RBFOX1: variants seen among roughly 807,000 people sequenced by gnomAD.
RBFOX1 encodes RNA binding fox-1 homolog 1.
RBFOX1 carries 8 observed loss-of-function variants against 57.7 expected under a neutral mutation model. That is an observed-to-expected ratio of 0.14 (90% confidence interval 0.08 to 0.25). The LOEUF (loss-of-function observed/expected upper bound fraction) is 0.25, where lower values mean the gene tolerates loss of function less well. Among genes scored for constraint, RBFOX1 ranks in the 10% least tolerant of loss-of-function variants. The probability of loss-of-function intolerance (pLI) is 1.00; values close to 1 mark genes in which losing one functional copy is unlikely to be tolerated. For synonymous variants in RBFOX1, 326 were observed against 222.4 expected (o/e 1.47, Z -4.15); for missense variants, 611 against 548.5 (o/e 1.11, Z -1.14).
intron 1 of RBFOX1, among the ~76,000 whole-genome samples, chr16:5,339,936 C>T: frequency 6.6e-6 from 1 of 152,014 alleles, no homozygotes; most frequent in East Asian, 1.9e-4. Context: ...CTTTGGGAGT[C>T]CCATCAGTCT....
intron 4 of RBFOX1, among the ~76,000 whole-genome samples, chr16:7,195,145 C>T (rs4354958): frequency 1.3e-4 from 20 of 152,124 alleles, no homozygotes; most frequent in African/African-American, 4.8e-4. Flanking sequence ...TGTTTTGTGC[C>T]TCATATTGCA....
At chr16:7,084,519 T>C (rs937470491) in intron 4 of RBFOX1, among the ~76,000 whole-genome samples, 4 of 152,166 alleles carry the variant, frequency 2.6e-5, no homozygotes, top group Non-Finnish European at 5.9e-5. Context: ...TGAGAAATAG[T>C]GCCCCATGCA....
intron 4 of RBFOX1, among the ~76,000 whole-genome samples, chr16:5,921,820 G>A (rs2058828489): frequency 1.3e-5 from 2 of 151,824 alleles, no homozygotes; most frequent in Non-Finnish European, 2.9e-5. Context: ...GAGGGAGGGA[G>A]CAAGAGAGAG....
At chr16:6,932,116 G>GT (rs976286024) in intron 3 of RBFOX1, among the ~76,000 whole-genome samples, 3 of 151,958 alleles carry the variant, frequency 2.0e-5, no homozygotes, top group East Asian at 1.9e-4. Flanking sequence ...TGCTGTTTTT[G>GT]TTTTTTCAGA....
chr16:7,562,246 A>G (rs186817231), intron 5 of RBFOX1, among the ~76,000 whole-genome samples: 62 of 152,306 alleles, frequency 4.1e-4, no homozygotes, highest in African/African-American at 1.5e-3. Context: ...GATTTATAAA[A>G]GTGGAGCCTT....
intron 1 of RBFOX1, among the ~76,000 whole-genome samples, chr16:6,048,959 G>A (rs1300041840): frequency 6.6e-6 from 1 of 151,734 alleles, no homozygotes; most frequent in Non-Finnish European, 1.5e-5. Flanking sequence ...GTTTCCCTTG[G>A]AAGGAGCAAT....
At chr16:5,637,350 G>T (rs1362906436) in intron 3 of RBFOX1, among the ~76,000 whole-genome samples, 1 of 152,168 alleles carries the variant, frequency 6.6e-6, no homozygotes, top group Non-Finnish European at 1.5e-5. Flanking sequence ...AGATAGGTAA[G>T]TGGTCTCCAG....
intron 3 of RBFOX1, among the ~76,000 whole-genome samples, chr16:5,756,319 T>C (rs531181444): frequency 4.1e-4 from 60 of 147,492 alleles, no homozygotes; most frequent in Non-Finnish European, 7.4e-4. Flanking sequence ...TGATAATTAA[T>C]AGGAAAAGGG....
chr16:5,374,155 C>G (rs1353121760), intron 1 of RBFOX1, among the ~76,000 whole-genome samples: 1 of 152,234 alleles, frequency 6.6e-6, no homozygotes, highest in Non-Finnish European at 1.5e-5. Context: ...CCAGGCTAGT[C>G]TTGAACTCCT....
chr16:5,730,984 C>G (rs1205607952), intron 3 of RBFOX1, among the ~76,000 whole-genome samples: 2 of 148,040 alleles, frequency 1.4e-5, no homozygotes, highest in African/African-American at 2.4e-5. Flanking sequence ...ACCGTCACTA[C>G]CATCATCACC....
At chr16:6,256,285 G>A (rs1303314312) in intron 1 of RBFOX1, among the ~76,000 whole-genome samples, 6 of 114,224 alleles carry the variant, frequency 5.3e-5, no homozygotes, top group Non-Finnish European at 9.9e-5. Flanking sequence ...ATATATATGT[G>A]TGTATATATA....
chr16:5,890,513 A>G (rs1194287978), intron 4 of RBFOX1, among the ~76,000 whole-genome samples: 1 of 152,046 alleles, frequency 6.6e-6, no homozygotes, highest in Non-Finnish European at 1.5e-5. Flanking sequence ...CCTGACCAAC[A>G]TGGTGAAATT....
At chr16:6,989,991 G>T (rs1427212876) in intron 3 of RBFOX1, among the ~76,000 whole-genome samples, 1 of 152,058 alleles carries the variant, frequency 6.6e-6, no homozygotes, top group East Asian at 1.9e-4. Context: ...ACAAGAGCGA[G>T]ACTCTGTTTC....
At chr16:6,813,403 C>T (rs13336604) in intron 3 of RBFOX1, among the ~76,000 whole-genome samples, 2,848 of 152,160 alleles carry the variant, frequency 0.019, 78 homozygotes, top group African/African-American at 0.065. Context: ...CGTATGGGTT[C>T]CCAGGTGTCA....
At chr16:7,449,491 A>C (rs1355082694) in intron 4 of RBFOX1, among the ~76,000 whole-genome samples, 1 of 152,106 alleles carries the variant, frequency 6.6e-6, no homozygotes, top group East Asian at 1.9e-4. Context: ...CCCCTTGCCA[A>C]CATGCAGTAG....
At chr16:5,366,638 T>C in intron 1 of RBFOX1, 1 of 425,304 alleles carries the variant, frequency 2.4e-6, no homozygotes, top group South Asian at 1.9e-5. Flanking sequence ...TGCTTCTGGA[T>C]GACTGACCAG....
intron 4 of RBFOX1, among the ~76,000 whole-genome samples, chr16:7,450,269 C>T (rs1031956165): frequency 3.3e-5 from 5 of 151,486 alleles, no homozygotes; most frequent in South Asian, 2.1e-4. Flanking sequence ...TGACATACGC[C>T]TGTAATCCCA....
chr16:5,454,149 T>C (rs1224729221), intron 1 of RBFOX1, among the ~76,000 whole-genome samples: 1 of 152,222 alleles, frequency 6.6e-6, no homozygotes, highest in Non-Finnish European at 1.5e-5. Context: ...TCTTGTTGAC[T>C]CAAGGTGAAA....
At chr16:7,321,213 C>G (rs2096541058) in intron 4 of RBFOX1, among the ~76,000 whole-genome samples, 2 of 152,028 alleles carry the variant, frequency 1.3e-5, no homozygotes, top group African/African-American at 2.4e-5. Flanking sequence ...GGTGCGATCT[C>G]ATCTCACTGC....
Sources: allele counts gnomAD v4.1 joint callset (sites outside exome capture counted in the v4.1 genomes callset), GRCh38; gene constraint gnomAD v4.1.1; transcripts MANE v1.5; gene names NCBI Gene and HGNC (gene_info 2026-07-23, HGNC 2026-07-21).